Variants in PLEKHA7 observed in about 807,000 individuals in gnomAD.
The protein encoded by PLEKHA7 is pleckstrin homology domain containing A7, also known as pleckstrin homology domain-containing family A member 7.
PLEKHA7 carries 104 observed loss-of-function variants against 170.0 expected under a neutral mutation model. The observed-to-expected ratio is 0.61, with a 90% CI of 0.52 to 0.72. PLEKHA7 has a LOEUF of 0.72. PLEKHA7 is among the 30% of genes least tolerant of loss of function. PLEKHA7 has a pLI of 0.00. For missense variants in PLEKHA7, 1,615 were observed against 1,671.7 expected, an observed-to-expected ratio of 0.97 and a Z score of 0.59; for synonymous variants, 648 against 660.8, an observed-to-expected ratio of 0.98 and a Z score of 0.30.
chr11:16,813,849 C>T (rs186878591), intron 12 of PLEKHA7, among the ~76,000 whole-genome samples: 1 of 152,286 alleles, frequency 6.6e-6, no homozygotes, highest in East Asian at 1.9e-4. Flanking sequence ...GTATAATTAC[C>T]AGAAACAGTG....
intron 17 of PLEKHA7, among the ~76,000 whole-genome samples, chr11:16,800,200 CA>C (rs2134367896): frequency 6.6e-6 from 1 of 152,194 alleles, no homozygotes. Context: ...GATCTTAAGT[CA>C]GGGGAGAAAA....
At chr11:16,838,246 G>A (rs558061707) in intron 9 of PLEKHA7, among the ~76,000 whole-genome samples, 3 of 152,188 alleles carry the variant, frequency 2.0e-5, no homozygotes, top group Non-Finnish European at 4.4e-5. Flanking sequence ...GGTGGCTGGT[G>A]ACTGTCATCT....
chr11:16,964,970 C>G (rs1406143999), intron 3 of PLEKHA7, among the ~76,000 whole-genome samples: 1 of 148,414 alleles, frequency 6.7e-6, no homozygotes, highest in East Asian at 2.0e-4. Context: ...TGTGTTGGGG[C>G]AAATGCTCAT....
At chr11:16,930,868 C>G (rs1287849627) in intron 3 of PLEKHA7, among the ~76,000 whole-genome samples, 1 of 152,158 alleles carries the variant, frequency 6.6e-6, no homozygotes, top group African/African-American at 2.4e-5. Flanking sequence ...GGTCCACCCA[C>G]TGGAGAGCTG....
At chr11:16,921,610 AT>A (rs1488001058) in intron 3 of PLEKHA7, among the ~76,000 whole-genome samples, 1 of 152,234 alleles carries the variant, frequency 6.6e-6, no homozygotes, top group African/African-American at 2.4e-5. Flanking sequence ...GGAGTCAGCT[AT>A]CCAACAATAA....
intron 9 of PLEKHA7, among the ~76,000 whole-genome samples, chr11:16,830,035 C>T (rs1365186980): frequency 1.3e-5 from 2 of 151,970 alleles, no homozygotes; most frequent in African/African-American, 4.8e-5. Flanking sequence ...CTGGAATGCA[C>T]TAGCGTGAAC....
chr11:16,908,535 G>A (rs879260297), intron 3 of PLEKHA7, among the ~76,000 whole-genome samples: 4 of 150,706 alleles, frequency 2.7e-5, no homozygotes, highest in Non-Finnish European at 5.9e-5. Flanking sequence ...TTGCTCTGTA[G>A]CCCAGGCTGG....
At position 16,777,460 on chromosome 11, in the gene PLEKHA7, G is replaced by C. The variant is rs1285816802; in HGVS notation, c.*1538C>G. On this transcript the variant is annotated 3_prime_UTR_variant, in exon 27 of 27. Transcript: ENST00000531066. Reference sequence around the variant, plus strand: ...AAATGTCATGAAGTCGATACTGGCAGCATATGGAGTTAGTTAAAAATAGAC... The same window carrying C: ...AAATGTCATGAAGTCGATACTGGCACCATATGGAGTTAGTTAAAAATAGAC... 7 of 152,266 alleles carry C rather than the reference G, an allele frequency of 4.6e-5. No homozygotes were observed. The highest frequency in any genetic ancestry group is 1.7e-4 in the African/African-American group (7 of 41,566). The allele number at this position is 152,266 out of a possible 1,614,324, so 9.4% of individuals were successfully genotyped here.
Position 16,778,523 on chromosome 11 carries a change from C to G in PLEKHA7, c.*475G>C, listed in dbSNP as rs943817024. 9 of 183,500 alleles carry G rather than the reference C, an allele frequency of 4.9e-5. No individual in the cohort carries two copies. Among genetic ancestry groups the G allele is most frequent in the Non-Finnish European group, 1.2e-5 (1 of 85,316 alleles). 11.4% of individuals were successfully genotyped at this position (183,500 alleles called of 1,614,324 possible). A position where few individuals can be genotyped will look rare whatever the true frequency, so the allele number is the denominator to read the frequency against. On this transcript the variant is annotated 3_prime_UTR_variant, in exon 27 of 27. Transcript: ENST00000531066. ...CTCTTCTCCCAGACAGCACGCCAACCAGCCTCTTGCTGGAGTCTACTGGGA... is the reference window on the plus strand; with the variant it reads ...CTCTTCTCCCAGACAGCACGCCAACGAGCCTCTTGCTGGAGTCTACTGGGA...
At chr11:16,965,353 C>T (rs932793958) in intron 3 of PLEKHA7, among the ~76,000 whole-genome samples, 1 of 152,000 alleles carries the variant, frequency 6.6e-6, no homozygotes, top group Non-Finnish European at 1.5e-5. Context: ...AGACCCCTAT[C>T]TTAGACCAAT....
chr11:16,903,704 C>T (rs1284310637), intron 3 of PLEKHA7, among the ~76,000 whole-genome samples: 1 of 152,174 alleles, frequency 6.6e-6, no homozygotes, highest in Non-Finnish European at 1.5e-5. Context: ...CTTCTCACAA[C>T]GTCCAAATTA....
rs117760879 is a variant in PLEKHA7 at position 16,810,981 on chromosome 11, T to C, written c.2007+2132A>G. ...CCACTTTGGAGGTAAAATAACTTAA[T>C]AGAAGTAAAATGCAGTGACTGGCAC... On this transcript the variant is annotated intron_variant, in intron 13 of 26. Coordinates refer to ENST00000531066, the MANE Select transcript of PLEKHA7 (RefSeq NM_001329630.2). Among the ~76,000 whole-genome samples, 53 of 152,272 alleles carry C rather than the reference T, an allele frequency of 3.5e-4. No individual in the cohort carries two copies. The East Asian group carries it at 9.9e-3, about 28-fold the overall frequency.
intron 5 of PLEKHA7, 67 bp downstream of exon 5, chr11:16,855,735 TC>T (rs1334571931): frequency 1.7e-6 from 2 of 1,184,372 alleles, no homozygotes; most frequent in Non-Finnish European, 2.5e-6. Flanking sequence ...CAAATGGACT[TC>T]TGGTTACAAA....
At chr11:16,922,213 A>C (rs1859150573) in intron 3 of PLEKHA7, among the ~76,000 whole-genome samples, 1 of 152,108 alleles carries the variant, frequency 6.6e-6, no homozygotes, top group Non-Finnish European at 1.5e-5. Flanking sequence ...AAACAAAAAA[A>C]CCTCTCAGCT....
intron 3 of PLEKHA7, among the ~76,000 whole-genome samples, chr11:16,946,407 T>C (rs941512520): frequency 2.0e-5 from 3 of 152,128 alleles, no homozygotes; most frequent in African/African-American, 7.2e-5. Context: ...TCACTCCCTA[T>C]GACCAGGCAG....
chr11:16,786,507 T>C, intron 23 of PLEKHA7, 120 bp from the exon 24 acceptor site: 1 of 1,485,432 alleles, frequency 6.7e-7, no homozygotes, highest in Non-Finnish European at 8.9e-7. Flanking sequence ...AGGGAAAAGC[T>C]GTATGTGCAA....
intron 4 of PLEKHA7, among the ~76,000 whole-genome samples, chr11:16,863,518 A>C (rs1277407508): frequency 2.0e-5 from 3 of 152,188 alleles, no homozygotes; most frequent in Non-Finnish European, 4.4e-5. Flanking sequence ...TCCTAAGCGC[A>C]TACTGTCTTC....
chr11:16,838,218 G>A (rs1352170803), intron 9 of PLEKHA7, among the ~76,000 whole-genome samples: 2 of 152,178 alleles, frequency 1.3e-5, no homozygotes, highest in Admixed American at 6.5e-5. Context: ...AAATACACGT[G>A]CCCATTGAGC....
chr11:16,966,335 G>T (rs1368906090), intron 3 of PLEKHA7, among the ~76,000 whole-genome samples: 1 of 150,742 alleles, frequency 6.6e-6, no homozygotes, highest in Non-Finnish European at 1.5e-5. Context: ...TGTCTAGGCT[G>T]CTCACAGTTA....
Sources: allele counts gnomAD v4.1 joint callset (sites outside exome capture counted in the v4.1 genomes callset), GRCh38; gene constraint gnomAD v4.1.1; transcripts MANE v1.5; gene names NCBI Gene and HGNC (gene_info 2026-07-23, HGNC 2026-07-21).